The following DMD variants were observed in gnomAD, a reference collection of about 807,000 sequenced individuals.
DMD encodes the protein mutant dystrophin.
Under a neutral mutation model 330.1 loss-of-function variants are expected in DMD, and 63 were observed. That is an observed-to-expected ratio of 0.19 (90% CI 0.16 to 0.24). The LOEUF (loss-of-function observed/expected upper bound fraction) is 0.24. Among genes scored for constraint, DMD ranks in the 10% least tolerant of loss-of-function variants. The probability of loss-of-function intolerance (pLI) is 1.00; values close to 1 mark genes in which losing one functional copy is unlikely to be tolerated. For synonymous variants in DMD, 1,223 were observed against 959.8 expected, an observed-to-expected ratio of 1.27 and a Z score of -5.07; for missense variants, 3,344 against 2,684.1, an observed-to-expected ratio of 1.25 and a Z score of -5.43.
intron 1 of DMD, among the ~76,000 whole-genome samples, chrX:33,259,261 C>G (rs1217898958): frequency 9.1e-6 from 1 of 109,942 alleles, no homozygotes; most frequent in East Asian, 2.9e-4. Context: ...CATACAGCTT[C>G]CCCCACCATC....
intron 45 of DMD, among the ~76,000 whole-genome samples, chrX:31,949,917 G>C (rs903482070): frequency 1.2e-4 from 13 of 108,399 alleles, no homozygotes; most frequent in Admixed American, 2.0e-4. Flanking sequence ...TCTAGCTAAA[G>C]CTTCTCCATG....
At chrX:32,378,150 A>G (rs956389967) in intron 34 of DMD, among the ~76,000 whole-genome samples, 85 of 110,701 alleles carry the variant, frequency 7.7e-4, no homozygotes, top group African/African-American at 2.5e-3. Flanking sequence ...TATTTTAATA[A>G]TTTGGAAACT....
chrX:32,216,012 A>G (rs1280114971), intron 44 of DMD, among the ~76,000 whole-genome samples: 1 of 112,362 alleles, frequency 8.9e-6, no homozygotes, highest in Non-Finnish European at 1.9e-5. Context: ...GTAAAGTCAA[A>G]TGTGATACTG....
chrX:32,831,579 C>A (rs1309347162), intron 4 of DMD, among the ~76,000 whole-genome samples: 2 of 107,817 alleles, frequency 1.9e-5, no homozygotes, highest in African/African-American at 6.8e-5. Flanking sequence ...GTTCTTAGGG[C>A]AGAGCAGAAG....
chrX:33,115,955 AGGCCG>A (rs2095380878), intron 1 of DMD, among the ~76,000 whole-genome samples: 1 of 110,361 alleles, frequency 9.1e-6, no homozygotes, highest in African/African-American at 3.3e-5. Flanking sequence ...GCACTTTGGG[AGGCCG>A]AGGACAGAGG....
At position 31,807,047 on chromosome X, in the gene DMD, A is replaced by G. The variant is rs371147376; in HGVS notation, c.7309+12928T>C. Among the ~76,000 whole-genome samples the G allele has an allele frequency of 1.3e-4, 15 of 111,672 alleles. No homozygotes were observed. In the East Asian group the frequency reaches 1.4e-3, roughly 11 times the overall value. On this transcript the variant is annotated intron_variant, in intron 50 of 78. Transcript: ENST00000357033. ...AAAGGGAAGTATGAACATATGTTGG[A>G]GGAAACTCTACCCTTTTGACGGCCG...
intron 41 of DMD, among the ~76,000 whole-genome samples, chrX:32,327,439 A>G (rs958866308): frequency 1.8e-5 from 2 of 110,838 alleles, no homozygotes; most frequent in African/African-American, 6.5e-5. Context: ...CTGAATAAAT[A>G]AAGTGCCACT....
At position 32,614,434 on chromosome X, in the gene DMD, C is replaced by T. The variant is rs1602169535; in HGVS notation, c.1351G>A (p.Asp451Asn). The change falls in exon 12 of 79, where the codon GAT (aspartate) becomes AAT (asparagine). Residue 451 changes from aspartate to asparagine, a missense_variant. Asp to Asn is a conservative substitution (Grantham distance 23, BLOSUM62 1). Coordinates refer to ENST00000357033, the MANE Select transcript of DMD (RefSeq NM_004006.3). ...KQSNLHRVLM[D>N]LQNQKLKELN... ...TCTTTCAGTTTCTGATTCTGGAGAT[C>T]CATTAAAACTCTATGTAAACTGAAA... 8.3e-7 allele frequency: 1 copy of T among 1,206,817 alleles called. No homozygotes were observed. The highest frequency in any genetic ancestry group is 1.1e-6 in the Non-Finnish European group (1 of 892,493).
At chrX:32,528,032 G>A (rs2047080336) in intron 17 of DMD, among the ~76,000 whole-genome samples, 1 of 112,425 alleles carries the variant, frequency 8.9e-6, no homozygotes, top group South Asian at 3.7e-4. Context: ...CTGAGGGCCA[G>A]GCGTGGCGGC....
intron 44 of DMD, among the ~76,000 whole-genome samples, chrX:32,067,901 TTC>T (rs1194764336): frequency 2.7e-5 from 3 of 111,851 alleles, no homozygotes; most frequent in African/African-American, 6.5e-5. Context: ...CAAATGATAG[TTC>T]TATTTTAAGT....
intron 1 of DMD, among the ~76,000 whole-genome samples, chrX:33,265,209 A>G (rs2053023356): frequency 9.1e-6 from 1 of 109,946 alleles, no homozygotes; most frequent in Admixed American, 9.7e-5. Flanking sequence ...TAGTGTACTC[A>G]CTGTTTTTCT....
intron 55 of DMD, among the ~76,000 whole-genome samples, chrX:31,590,217 A>C (rs1040405667): frequency 1.8e-5 from 2 of 111,445 alleles, no homozygotes; most frequent in Non-Finnish European, 3.8e-5. Context: ...ATTGAAATAC[A>C]CTTAGCAATG....
At chrX:31,604,039 T>G (rs1425569275) in intron 55 of DMD, among the ~76,000 whole-genome samples, 2 of 112,239 alleles carry the variant, frequency 1.8e-5, no homozygotes, top group Non-Finnish European at 3.8e-5. Flanking sequence ...TTTCACCTCC[T>G]GCCACCAACA....
chrX:33,119,755 G>A (rs891960152), intron 1 of DMD, among the ~76,000 whole-genome samples: 5 of 112,233 alleles, frequency 4.5e-5, no homozygotes, highest in Non-Finnish European at 9.4e-5. Flanking sequence ...AGTATGGAGT[G>A]AGTAGAAAAG....
At chrX:32,133,241 C>T (rs1228407994) in intron 44 of DMD, among the ~76,000 whole-genome samples, 6 of 109,583 alleles carry the variant, frequency 5.5e-5, no homozygotes, top group African/African-American at 1.7e-4. Context: ...CTCCTGACCT[C>T]GTGATCTGCC....
In DMD at chrX:32,215,830, A is replaced by T. The variant is rs1206877965; in HGVS notation, c.6438+1086T>A. 4.5e-5 allele frequency among the ~76,000 whole-genome samples: 5 copies of T among 111,894 alleles called. No homozygotes were observed. In the Admixed American group the frequency reaches 4.8e-4, roughly 11 times the overall value. ...ATCCATACATTTCCTCTCTATACAA[A>T]TGCCAACGCTGGTGTGCATGCAAGT... On this transcript the variant is annotated intron_variant, in intron 44 of 78. Transcript: ENST00000357033.
chrX:31,865,117 A>G (rs779770822), intron 48 of DMD, among the ~76,000 whole-genome samples: 27 of 112,365 alleles, frequency 2.4e-4, no homozygotes, highest in Admixed American at 4.7e-4. Flanking sequence ...AACAAAAAGT[A>G]AGAGGAAGAT....
At chrX:31,265,138 C>T (rs940680624) in intron 62 of DMD, among the ~76,000 whole-genome samples, 1 of 112,061 alleles carries the variant, frequency 8.9e-6, no homozygotes. Flanking sequence ...AAAAAGGGAG[C>T]GTTCTCTTGC....
At chrX:31,427,669 G>A (rs188147861) in intron 60 of DMD, among the ~76,000 whole-genome samples, 203 of 111,867 alleles carry the variant, frequency 1.8e-3, no homozygotes, top group African/African-American at 6.4e-3. Flanking sequence ...GTGTGGTGGT[G>A]GTGAGGGGCA....
Sources: gnomAD v4.1 joint callset for allele counts (sites outside exome capture counted in the v4.1 genomes callset) on GRCh38, gnomAD v4.1.1 for gene constraint, MANE v1.5 for transcripts, NCBI Gene and HGNC (gene_info 2026-07-23, HGNC 2026-07-21) for gene names.